GPR171: variants seen among roughly 807,000 people sequenced by gnomAD.
GPR171 encodes the protein F730001G15Rik.
A neutral mutation model predicts 16.7 loss-of-function variants in GPR171; 14 were observed. That is an observed-to-expected ratio of 0.84 (90% CI 0.55 to 1.31). The LOEUF (loss-of-function observed/expected upper bound fraction) is 1.31, where lower values mean the gene tolerates loss of function less well. Among genes scored for constraint, GPR171 ranks in the 40% most tolerant of loss-of-function variants. The pLI, the probability that GPR171 is intolerant of heterozygous loss-of-function variation, is 0.00. For synonymous variants in GPR171, 134 were observed against 135.6 expected, an observed-to-expected ratio of 0.99 and a Z score of 0.08; for missense variants, 337 against 378.9, an observed-to-expected ratio of 0.89 and a Z score of 0.92.
chr3:151,199,029 A>G lies in GPR171; in HGVS notation c.358T>C (p.Cys120Arg). 1.2e-6 allele frequency: 2 copies of G among 1,614,196 alleles called. No homozygotes were observed. The highest frequency in any genetic ancestry group is 8.5e-7 in the Non-Finnish European group (1 of 1,180,026). ...GGTTCTTGTATTCGGTAGATCTTGC[A>G]GCTGTGTGTCAGCTGAAGACAGCGG... ...IDRCLQLTHSCKIYRIQEPGF... is the reference protein window; with the variant it reads ...IDRCLQLTHSRKIYRIQEPGF... The change falls in exon 3 of 3, where the codon TGC becomes CGC. Residue 120 changes from cysteine (C) to arginine (R), a missense_variant. Physicochemically the swap from Cys to Arg is radical, Grantham distance 180 (BLOSUM62 -3). Transcript: ENST00000309180.
In GPR171 at chr3:151,198,977, A is replaced by G. The variant is rs1428410938; in HGVS notation, c.410T>C (p.Val137Ala). 11 of 1,613,888 alleles carry G rather than the reference A, an allele frequency of 6.8e-6. No individual in the cohort carries two copies. The highest frequency in any genetic ancestry group is 9.3e-6 in the Non-Finnish European group (11 of 1,179,972). ...EPGFAKMIST[V>A]VWLMVLLIMV... ...TATAAGAAGGACCATTAGCCACACA[A>G]CGGTTGATATCATTTTGGCAAATCC... is the stretch of plus-strand genomic sequence containing the variant. Residue 137 changes from valine (V) to alanine (A), a missense_variant, in exon 3 of 3, where the codon GTT becomes GCT. Physicochemically the swap from Val to Ala is moderately conservative, Grantham distance 64. Transcript: ENST00000309180.
intron 1 of GPR171, among the ~76,000 whole-genome samples, chr3:151,201,898 G>A (rs1381828188): frequency 1.3e-5 from 2 of 152,154 alleles, no homozygotes; most frequent in African/African-American, 4.8e-5. Context: ...AACATAATGT[G>A]TTTCTTTAAG....
Position 151,198,263 on chromosome 3 carries a change from G to A in GPR171, c.*164C>T. ...CAAGCCTAACAATAAAGCTTGACTT[G>A]CATTTAGAAACAGGATTTCTAAGTA... On this transcript the variant is annotated 3_prime_UTR_variant, in exon 3 of 3. Coordinates refer to ENST00000309180, the MANE Select transcript of GPR171 (RefSeq NM_013308.4). 1 of 540,268 alleles carries A rather than the reference G, an allele frequency of 1.9e-6. No homozygotes were observed. The allele number at this position is 540,268 out of a possible 1,614,324, so 33.5% of individuals were successfully genotyped here. A position where few individuals can be genotyped will look rare whatever the true frequency, so the allele number is the denominator to read the frequency against.
chr3:151,199,408 C>T lies in GPR171; in HGVS notation c.-22G>A, dbSNP rs1290495170. ...TCATCTTGAGGGAAAGTAAGGATGA[C>T]TGCTTATTGAAAAGAAAAAATTTCT... On this transcript the variant is annotated 5_prime_UTR_variant, in exon 3 of 3. Transcript: ENST00000309180. The T allele has an allele frequency of 6.4e-7, 1 of 1,559,862 alleles. No homozygotes were observed. The highest frequency in any genetic ancestry group is 8.6e-7 in the Non-Finnish European group (1 of 1,159,780).
intron 2 of GPR171, among the ~76,000 whole-genome samples, chr3:151,200,144 C>A (rs1310445206): frequency 6.7e-6 from 1 of 149,806 alleles, no homozygotes; most frequent in Non-Finnish European, 1.5e-5. Context: ...CAGTTAAAAG[C>A]CCAGAAGCAT....
downstream of GPR171, chr3:151,197,765 A>T (rs901589746): frequency 5.9e-5 from 9 of 152,664 alleles, no homozygotes; most frequent in African/African-American, 1.7e-4. Flanking sequence ...ATTATTACTA[A>T]CATCAGGAAG....
intron 1 of GPR171, among the ~76,000 whole-genome samples, chr3:151,202,885 G>A (rs34938682): frequency 7.8e-4 from 119 of 152,230 alleles, no homozygotes; most frequent in Admixed American, 1.8e-3. Flanking sequence ...TCAGTCTGGT[G>A]TCAATTATCC....
At position 151,198,557 on chromosome 3, in the gene GPR171, T is replaced by C. The variant is rs141833565; in HGVS notation, c.830A>G (p.Asn277Ser). ...GTACAGGATAGGATCAAAGCACAGG[T>C]TCGACACAGCCAGGAGCAGTGTAGC... ...KEATLLLAVSNLCFDPILYYH... is the reference protein window; with the variant it reads ...KEATLLLAVSSLCFDPILYYH... The change falls in exon 3 of 3, where the codon AAC becomes AGC. Residue 277 changes from asparagine (N) to serine (S), a missense_variant. Physicochemically the swap from Asn to Ser is conservative, Grantham distance 46. Coordinates refer to ENST00000309180, the MANE Select transcript of GPR171 (RefSeq NM_013308.4). 15 of 1,614,060 alleles carry C rather than the reference T, an allele frequency of 9.3e-6. No individual in the cohort carries two copies. Among genetic ancestry groups the C allele is most frequent in the Non-Finnish European group, 1.3e-5 (15 of 1,179,982 alleles).
In GPR171 at chr3:151,203,174, A is replaced by T. The variant is rs994784964; in HGVS notation, c.-213T>A. 20 of 152,216 alleles carry T rather than the reference A, an allele frequency of 1.3e-4. No individual in the cohort carries two copies. Among genetic ancestry groups the T allele is most frequent in the African/African-American group, 4.8e-4 (20 of 41,468 alleles). The allele number at this position is 152,216 out of a possible 1,614,324, so 9.4% of individuals were successfully genotyped here. On this transcript the variant is annotated 5_prime_UTR_variant, in exon 1 of 3. Transcript: ENST00000309180. ...TCAGAGAAGCATGAGCTGTTTGGTT[A>T]GCCGCAGCAGTAGCAACCCCATTGC... is the stretch of plus-strand genomic sequence containing the variant.
At chr3:151,202,392 T>G (rs1448403537) in intron 1 of GPR171, among the ~76,000 whole-genome samples, 1 of 152,232 alleles carries the variant, frequency 6.6e-6, no homozygotes, top group Non-Finnish European at 1.5e-5. Flanking sequence ...ATAAACTGGC[T>G]GGGCACAGTG....
Position 151,199,046 on chromosome 3 carries a change from A to G in GPR171, c.341T>C (p.Leu114Pro). Residue 114 changes from leucine (L) to proline (P), a missense_variant, in exon 3 of 3, where the codon CTT becomes CCT. Leu to Pro is a moderately conservative substitution (Grantham distance 98). Coordinates refer to ENST00000309180, the MANE Select transcript of GPR171 (RefSeq NM_013308.4). ...GATCTTGCAGCTGTGTGTCAGCTGA[A>G]GACAGCGGTCAATGCTGACAAATGC... ...FLAFVSIDRCLQLTHSCKIYR... is the reference protein window; with the variant it reads ...FLAFVSIDRCPQLTHSCKIYR... 6.2e-7 allele frequency: 1 copy of G among 1,614,152 alleles called. No homozygotes were observed. The highest frequency in any genetic ancestry group is 8.5e-7 in the Non-Finnish European group (1 of 1,179,982).
chr3:151,202,131 G>A (rs967541638), intron 1 of GPR171, among the ~76,000 whole-genome samples: 13 of 152,116 alleles, frequency 8.5e-5, no homozygotes, highest in African/African-American at 3.1e-4. Context: ...GTGAACTTTT[G>A]TCTAAATTGC....
downstream of GPR171, chr3:151,197,791 A>G (rs1310128279): frequency 6.6e-6 from 1 of 152,650 alleles, no homozygotes; most frequent in African/African-American, 2.4e-5. Flanking sequence ...ATTATAACCT[A>G]CAGGTAGAAT....
intron 1 of GPR171, among the ~76,000 whole-genome samples, chr3:151,201,996 G>C (rs1725674301): frequency 6.6e-6 from 1 of 152,146 alleles, no homozygotes. Flanking sequence ...AATTTATTTT[G>C]ATTAATTTTC....
chr3:151,201,479 G>A (rs764690441), intron 1 of GPR171, among the ~76,000 whole-genome samples: 5 of 152,260 alleles, frequency 3.3e-5, no homozygotes, highest in Non-Finnish European at 5.9e-5. Context: ...AAACTTTATC[G>A]ATAGCCTGTA....
At chr3:151,201,800 T>C (rs940852550) in intron 1 of GPR171, among the ~76,000 whole-genome samples, 2 of 152,260 alleles carry the variant, frequency 1.3e-5, no homozygotes, top group African/African-American at 2.4e-5. Context: ...TGCATTGATA[T>C]AGTGTCACAT....
At chr3:151,201,039 T>A (rs1264134370) in intron 1 of GPR171, 42 bp from the exon 2 acceptor site, 2 of 152,158 alleles carry the variant, frequency 1.3e-5, no homozygotes, top group Non-Finnish European at 2.9e-5. Flanking sequence ...GAAATGATAA[T>A]GATTATTATT....
At chr3:151,202,156 CTGTT>C (rs1559872524) in intron 1 of GPR171, among the ~76,000 whole-genome samples, 1 of 152,152 alleles carries the variant, frequency 6.6e-6, no homozygotes, top group East Asian at 1.9e-4. Flanking sequence ...AGAAACAAAT[CTGTT>C]TATTTAAAAT....
At chr3:151,201,659 A>G (rs1210076274) in intron 1 of GPR171, among the ~76,000 whole-genome samples, 1 of 152,152 alleles carries the variant, frequency 6.6e-6, no homozygotes, top group Non-Finnish European at 1.5e-5. Context: ...GCTTTAAGGA[A>G]GCTCCTCACA....
Sources: gnomAD v4.1 joint callset for allele counts (sites outside exome capture counted in the v4.1 genomes callset) on GRCh38, gnomAD v4.1.1 for gene constraint, MANE v1.5 for transcripts, NCBI Gene and HGNC (gene_info 2026-07-23, HGNC 2026-07-21) for gene names.